The following ODF2L variants were observed in gnomAD, a reference collection of about 807,000 sequenced individuals.
The protein encoded by ODF2L is outer dense fiber of sperm tails 2 like, also known as protein BCAP.
ODF2L carries 76 observed loss-of-function variants against 86.3 expected under a neutral mutation model. The ratio of observed to expected loss-of-function variants is 0.88; its 90% CI spans 0.73 to 1.07. The LOEUF (loss-of-function observed/expected upper bound fraction) is 1.07. Ranked by LOEUF, ODF2L falls within the 50% of genes least tolerant of loss-of-function variation. The pLI is 0.00. For synonymous variants in ODF2L, 241 were observed against 231.3 expected (o/e 1.04, Z -0.38); for missense variants, 748 against 717.4 (o/e 1.04, Z -0.49).
At chr1:86,382,718 A>G (rs1393112855) in intron 6 of ODF2L, among the ~76,000 whole-genome samples, 2 of 151,902 alleles carry the variant, frequency 1.3e-5, no homozygotes, top group Non-Finnish European at 2.9e-5. Context: ...GATTTATGCC[A>G]AGTATCCTGA....
At chr1:86,374,721 A>G (rs771522098) in intron 8 of ODF2L, among the ~76,000 whole-genome samples, 3 of 152,210 alleles carry the variant, frequency 2.0e-5, no homozygotes, top group Non-Finnish European at 4.4e-5. Flanking sequence ...CATGTGAATT[A>G]GTAACTAGTG....
chr1:86,354,584 C>T (rs1182098), exon 16 of ODF2L: 1,086,861 of 1,606,024 alleles, frequency 0.68, 370,306 homozygotes, highest in East Asian at 0.84. Context: ...ATGCTGTATA[C>T]TCTGCAGATT....
chr1:86,394,840 CTTT>C (rs33996151), intron 1 of ODF2L, among the ~76,000 whole-genome samples: 2 of 129,306 alleles, frequency 1.5e-5, no homozygotes, highest in African/African-American at 2.9e-5. Flanking sequence ...TTTCTTTTTC[CTTT>C]TTTTTTTTTT....
intron 8 of ODF2L, 77 bp downstream of exon 8, chr1:86,376,156 T>C: frequency 1.3e-6 from 1 of 743,174 alleles, no homozygotes; most frequent in Non-Finnish European, 2.1e-6. Context: ...AATTACTATA[T>C]TAAGCATCAT....
In ODF2L at chr1:86,360,439, A is replaced by C. The variant is rs780914559; in HGVS notation, c.1241T>G (p.Met414Arg). ...TGCAGTAGTCACCTGAGTTTTATAC[A>C]TTTCAATAAGGGTTTTCTGTTTTTT... The change falls in exon 12 of 18, where the codon ATG (methionine) becomes AGG (arginine). Residue 414 changes from methionine (M) to arginine (R), a missense_variant. Met to Arg is a moderately conservative substitution (Grantham distance 91, BLOSUM62 -1). Transcript: ENST00000317336. 2.6e-6 allele frequency: 4 copies of C among 1,512,224 alleles called. No individual in the cohort carries two copies. In the Admixed American group the frequency reaches 6.9e-5, roughly 26 times the overall value. 93.7% of individuals were successfully genotyped at this position (1,512,224 alleles called of 1,614,324 possible). A position where few individuals can be genotyped will look rare whatever the true frequency, so the allele number is the denominator to read the frequency against.
intron 11 of ODF2L, among the ~76,000 whole-genome samples, chr1:86,367,373 GGT>G (rs1206020933): frequency 6.6e-6 from 1 of 151,982 alleles, no homozygotes; most frequent in African/African-American, 2.4e-5. Context: ...ACACGATGTG[GGT>G]TCAAGGAAAC....
At chr1:86,358,159 G>A (rs963461240) in intron 13 of ODF2L, 4 of 849,486 alleles carry the variant, frequency 4.7e-6, no homozygotes, top group East Asian at 1.2e-4. Flanking sequence ...AGATGGAAGC[G>A]ACCACTAACA....
downstream of ODF2L, chr1:86,349,526 T>C (rs1479826263): frequency 6.6e-6 from 1 of 152,080 alleles, no homozygotes; most frequent in Non-Finnish European, 1.5e-5. Flanking sequence ...ATATCAGGTG[T>C]TCAATGACAC....
At chr1:86,354,791 C>T (rs113495905) in exon 15 of ODF2L, 6 of 1,602,424 alleles carry the variant, frequency 3.7e-6, no homozygotes, top group Non-Finnish European at 5.1e-6. Context: ...GGTTTTCACA[C>T]TTCAGCTGAA....
chr1:86,368,544 C>G, intron 11 of ODF2L: 2 of 1,170,450 alleles, frequency 1.7e-6, no homozygotes, highest in Non-Finnish European at 2.2e-6. Context: ...TTTTTACCTG[C>G]CAAATTAGCA....
chr1:86,354,193 T>G (rs10873772), intron 16 of ODF2L, among the ~76,000 whole-genome samples: 48,138 of 152,110 alleles, frequency 0.32, 7,741 homozygotes, highest in East Asian at 0.41. Flanking sequence ...GACTTGAACT[T>G]TACAGCTCAC....
intron 8 of ODF2L, among the ~76,000 whole-genome samples, chr1:86,374,401 C>T (rs1028119560): frequency 2.6e-5 from 4 of 152,082 alleles, no homozygotes; most frequent in Non-Finnish European, 5.9e-5. Flanking sequence ...GATGTTGAAA[C>T]TAGTCAGTGA....
At chr1:86,376,192 A>G (rs745842361) in intron 8 of ODF2L, 41 bp downstream of exon 8, 3 of 1,136,380 alleles carry the variant, frequency 2.6e-6, no homozygotes, top group Admixed American at 3.9e-5. Context: ...AACTACGTAC[A>G]TAATAGATCT....
At chr1:86,355,433 T>C (rs1269005619) in intron 14 of ODF2L, 2 of 1,057,048 alleles carry the variant, frequency 1.9e-6, no homozygotes, top group East Asian at 5.2e-5. Context: ...AATTTTTTTC[T>C]CATAATTTCA....
At position 86,354,521 on chromosome 1, in the gene ODF2L, C is replaced by T; in HGVS notation, c.1767+9G>A. 1.3e-6 allele frequency: 2 copies of T among 1,553,576 alleles called. No homozygotes were observed. Among genetic ancestry groups the T allele is most frequent in the Non-Finnish European group, 1.8e-6 (2 of 1,141,714 alleles). On this transcript the variant is annotated intron_variant, in intron 16 of 17. Transcript: ENST00000317336. Reference sequence around the variant, plus strand: ...AATTAAAAAGTTTCTAAATAAAGGCCATGCATACCTTTTGTCTTCCTTCTT... The same window carrying T: ...AATTAAAAAGTTTCTAAATAAAGGCTATGCATACCTTTTGTCTTCCTTCTT...
chr1:86,359,062 C>CTAACCCACAATCTTTGTCTGAT (rs1553167756), intron 12 of ODF2L, among the ~76,000 whole-genome samples, 171 bp from the exon 12 acceptor site: 1 of 152,114 alleles, frequency 6.6e-6, no homozygotes, highest in Non-Finnish European at 1.5e-5. Flanking sequence ...GTGCTCTACT[C>CTAACCCACAATCTTTGTCTGAT]TAACCCACAA....
chr1:86,394,210 G>T (rs1661537242), intron 1 of ODF2L, among the ~76,000 whole-genome samples: 1 of 152,126 alleles, frequency 6.6e-6, no homozygotes, highest in Non-Finnish European at 1.5e-5. Context: ...GTGGAACTCA[G>T]TTTTGAATTA....
At chr1:86,386,380 T>C (rs1189534623) in intron 2 of ODF2L, 2 of 150,652 alleles carry the variant, frequency 1.3e-5, no homozygotes, top group African/African-American at 4.9e-5. Flanking sequence ...ATTTTTTTTG[T>C]CTTTTTCTTT....
intron 1 of ODF2L, among the ~76,000 whole-genome samples, chr1:86,391,780 T>C (rs1454023900): frequency 2.0e-5 from 3 of 152,160 alleles, no homozygotes; most frequent in Non-Finnish European, 2.9e-5. Context: ...CTTCTAGATA[T>C]TGGCTTAGGC....
Sources: allele counts gnomAD v4.1 joint callset (sites outside exome capture counted in the v4.1 genomes callset), GRCh38; gene constraint gnomAD v4.1.1; transcripts MANE v1.5; gene names NCBI Gene and HGNC (gene_info 2026-07-23, HGNC 2026-07-21).